SYT1: variants seen among roughly 807,000 people sequenced by gnomAD.
SYT1 encodes synaptotagmin-1.
SYT1 carries 8 observed loss-of-function variants against 44.8 expected under a neutral mutation model. That is an observed-to-expected ratio of 0.18 (90% CI 0.10 to 0.32). The LOEUF is 0.32. SYT1 is among the 10% of genes least tolerant of loss of function. The pLI is 1.00. For synonymous variants in SYT1, 154 were observed against 188.8 expected, an observed-to-expected ratio of 0.82 and a Z score of 1.51; for missense variants, 286 against 509.3, an observed-to-expected ratio of 0.56 and a Z score of 4.22.
At chr12:79,275,996 A>T (rs577295611) in intron 4 of SYT1, among the ~76,000 whole-genome samples, 2 of 152,182 alleles carry the variant, frequency 1.3e-5, no homozygotes, top group Non-Finnish European at 2.9e-5. Flanking sequence ...TTTGACATGG[A>T]AAGCACCCAG....
chr12:78,999,425 G>A (rs1870588412), intron 2 of SYT1, among the ~76,000 whole-genome samples: 1 of 152,152 alleles, frequency 6.6e-6, no homozygotes, highest in African/African-American at 2.4e-5. Context: ...GACTAATAGT[G>A]CTGACCAAAA....
intron 3 of SYT1, among the ~76,000 whole-genome samples, chr12:79,178,961 G>GGTATATCT (rs1872101174): frequency 5.1e-5 from 1 of 19,536 alleles, no homozygotes; most frequent in Non-Finnish European, 9.5e-5. Flanking sequence ...TATAGATATA[G>GGTATATCT]ATATAGATAT....
intron 5 of SYT1, among the ~76,000 whole-genome samples, chr12:79,287,825 T>C (rs996309244): frequency 5.9e-5 from 9 of 152,244 alleles, no homozygotes; most frequent in Non-Finnish European, 1.5e-5. Context: ...TAATTTTTCA[T>C]TGATGATCTA....
intron 3 of SYT1, among the ~76,000 whole-genome samples, chr12:79,159,206 G>A (rs1870794760): frequency 6.6e-6 from 1 of 152,160 alleles, no homozygotes; most frequent in Non-Finnish European, 1.5e-5. Context: ...TAGGCTGGTG[G>A]ATTCTCTCCA....
At chr12:79,143,479 T>C (rs1869690482) in intron 3 of SYT1, among the ~76,000 whole-genome samples, 2 of 152,202 alleles carry the variant, frequency 1.3e-5, no homozygotes, top group South Asian at 2.1e-4. Flanking sequence ...GTCATTTTTG[T>C]AGGGAACTTT....
chr12:79,164,546 GA>G (rs915884148), intron 3 of SYT1, among the ~76,000 whole-genome samples: 13 of 151,886 alleles, frequency 8.6e-5, no homozygotes, highest in Admixed American at 6.6e-5. Context: ...AGCATGCCCA[GA>G]AAAAAACAAT....
chr12:79,259,393 C>A (rs1280047585), intron 4 of SYT1, among the ~76,000 whole-genome samples: 2 of 152,154 alleles, frequency 1.3e-5, no homozygotes, highest in Non-Finnish European at 2.9e-5. Context: ...CTGTCTAACA[C>A]CTTTAAGCTT....
chr12:79,065,222 AAAC>A (rs1875749543), intron 3 of SYT1, among the ~76,000 whole-genome samples: 1 of 152,156 alleles, frequency 6.6e-6, no homozygotes, highest in African/African-American at 2.4e-5. Context: ...AAATAAAAAC[AAAC>A]AACAACAAAA....
chr12:79,254,129 G>A (rs1259560641), intron 4 of SYT1, among the ~76,000 whole-genome samples: 3 of 152,170 alleles, frequency 2.0e-5, no homozygotes, highest in Admixed American at 2.0e-4. Context: ...GCCTTGCATT[G>A]GAAGAAGACT....
chr12:79,229,438 C>T (rs1565865290), intron 4 of SYT1, among the ~76,000 whole-genome samples: 3 of 152,078 alleles, frequency 2.0e-5, no homozygotes, highest in Non-Finnish European at 4.4e-5. Flanking sequence ...TTTATTTCAT[C>T]ATCTTCTTTA....
intron 9 of SYT1, among the ~76,000 whole-genome samples, chr12:79,355,407 G>A (rs1020359898): frequency 1.3e-5 from 2 of 152,122 alleles, no homozygotes; most frequent in African/African-American, 4.8e-5. Context: ...AAGAGAACCA[G>A]CAAAACCATA....
intron 7 of SYT1, among the ~76,000 whole-genome samples, chr12:79,296,991 A>G (rs1036454217): frequency 1.3e-5 from 2 of 152,228 alleles, no homozygotes; most frequent in Non-Finnish European, 2.9e-5. Flanking sequence ...TATGTTTCTG[A>G]AAAATGAAAT....
chr12:79,447,574 T>G (rs1379873700), intron 10 of SYT1, among the ~76,000 whole-genome samples: 1 of 152,168 alleles, frequency 6.6e-6, no homozygotes, highest in Non-Finnish European at 1.5e-5. Flanking sequence ...TTCTGTTACC[T>G]TTGTGTGTCA....
At chr12:79,345,186 A>G (rs1421435185) in intron 8 of SYT1, among the ~76,000 whole-genome samples, 1 of 152,170 alleles carries the variant, frequency 6.6e-6, no homozygotes, top group African/African-American at 2.4e-5. Context: ...TTAAAAGGGG[A>G]AAACTAGAAG....
chr12:79,197,950 A>G (rs1414598131), intron 3 of SYT1, among the ~76,000 whole-genome samples: 1 of 152,154 alleles, frequency 6.6e-6, no homozygotes, highest in Non-Finnish European at 1.5e-5. Context: ...AGCAAATAAA[A>G]CATCACTATC....
chr12:79,080,992 G>A (rs1369614372), intron 3 of SYT1, among the ~76,000 whole-genome samples: 8 of 152,178 alleles, frequency 5.3e-5, no homozygotes, highest in African/African-American at 1.9e-4. Flanking sequence ...GGGGGATTTA[G>A]GTCATGCTGT....
At chr12:79,388,288 C>A (rs1293965194) in intron 9 of SYT1, among the ~76,000 whole-genome samples, 1 of 152,172 alleles carries the variant, frequency 6.6e-6, no homozygotes, top group African/African-American at 2.4e-5. Context: ...AGTGCCTTTA[C>A]CTATGTCCTT....
chr12:79,410,732 CTATAATTAAGCA>C (rs1868385059), intron 9 of SYT1, among the ~76,000 whole-genome samples: 1 of 151,992 alleles, frequency 6.6e-6, no homozygotes, highest in Non-Finnish European at 1.5e-5. Context: ...TGTTACTTTT[CTATAATTAAGCA>C]TTACATTTGG....
At chr12:79,234,572 TG>T (rs1876064235) in intron 4 of SYT1, among the ~76,000 whole-genome samples, 1 of 152,246 alleles carries the variant, frequency 6.6e-6, no homozygotes, top group African/African-American at 2.4e-5. Context: ...TCATCTTGCA[TG>T]TTTCAGTAGT....
Sources: allele counts gnomAD v4.1 joint callset (sites outside exome capture counted in the v4.1 genomes callset), GRCh38; gene constraint gnomAD v4.1.1; transcripts MANE v1.5; gene names NCBI Gene and HGNC (gene_info 2026-07-23, HGNC 2026-07-21).